The following TMEM163 variants were observed in gnomAD, a reference collection of about 807,000 sequenced individuals.
TMEM163 encodes the protein transmembrane protein 163.
A neutral mutation model predicts 29.3 loss-of-function variants in TMEM163; 17 were observed. The ratio of observed to expected loss-of-function variants is 0.58; its 90% CI spans 0.40 to 0.87. The LOEUF (loss-of-function observed/expected upper bound fraction) is 0.87. Among genes scored for constraint, TMEM163 ranks in the 40% least tolerant of loss-of-function variants. TMEM163 has a pLI of 0.00. For missense variants in TMEM163, 303 were observed against 381.5 expected (o/e 0.79, Z 1.71); for synonymous variants, 157 against 160.6 (o/e 0.98, Z 0.17).
chr2:134,535,964 C>T (rs976123933), intron 4 of TMEM163, among the ~76,000 whole-genome samples: 1 of 152,186 alleles, frequency 6.6e-6, no homozygotes, highest in Non-Finnish European at 1.5e-5. Context: ...CTCCAGTGAT[C>T]TGCCCGCCTC....
chr2:134,650,605 T>A, intron 2 of TMEM163, among the ~76,000 whole-genome samples: 1 of 144,384 alleles, frequency 6.9e-6, no homozygotes, highest in East Asian at 2.0e-4. Flanking sequence ...TAGTTACATA[T>A]GTATGTATAC....
At chr2:134,469,715 C>G (rs934216297) in intron 5 of TMEM163, 3 of 152,374 alleles carry the variant, frequency 2.0e-5, no homozygotes, top group Non-Finnish European at 2.9e-5. Context: ...GCTGCATCTC[C>G]CCGCTCCAGC....
chr2:134,500,539 T>A (rs561365784), intron 5 of TMEM163, among the ~76,000 whole-genome samples: 2 of 152,162 alleles, frequency 1.3e-5, no homozygotes, highest in East Asian at 1.9e-4. Context: ...AGAGTTCTGA[T>A]GAGATGACCA....
chr2:134,550,694 C>T (rs927837069), intron 3 of TMEM163, 33 bp from the exon 4 acceptor site: 5 of 1,593,200 alleles, frequency 3.1e-6, no homozygotes, highest in Non-Finnish European at 4.3e-6. Flanking sequence ...TAGAGGCTTT[C>T]CACAGTTAAT....
chr2:134,456,494 A>G lies in TMEM163; in HGVS notation c.*222T>C. On this transcript the variant is annotated 3_prime_UTR_variant, in exon 8 of 8. Coordinates refer to ENST00000281924, the MANE Select transcript of TMEM163 (RefSeq NM_030923.5). ...ACGCCAGTCCCAGCTGGAGACGGGG[A>G]AGGAGGTCCATTCCTATGGGCATTG... 1.7e-6 allele frequency: 1 copy of G among 573,532 alleles called. No homozygotes were observed. The highest frequency in any genetic ancestry group is 2.1e-5 in the South Asian group (1 of 47,160). The allele number at this position is 573,532 out of a possible 1,614,324, so 35.5% of individuals were successfully genotyped here. A position where few individuals can be genotyped will look rare whatever the true frequency, so the allele number is the denominator to read the frequency against.
intron 2 of TMEM163, among the ~76,000 whole-genome samples, chr2:134,591,446 G>A (rs1330705621): frequency 1.3e-5 from 2 of 152,176 alleles, no homozygotes; most frequent in Non-Finnish European, 2.9e-5. Context: ...TTAATAGCCA[G>A]GTCTTTATGA....
chr2:134,576,468 G>A (rs1681557931), intron 2 of TMEM163, among the ~76,000 whole-genome samples: 1 of 152,142 alleles, frequency 6.6e-6, no homozygotes, highest in South Asian at 2.1e-4. Context: ...TAACATAAAA[G>A]GGCCACCCAT....
chr2:134,529,009 A>T (rs1337353603), intron 4 of TMEM163, among the ~76,000 whole-genome samples: 1 of 152,172 alleles, frequency 6.6e-6, no homozygotes, highest in Non-Finnish European at 1.5e-5. Context: ...ACAACAGAAC[A>T]CGTACCATTA....
rs561020758 is a variant in TMEM163 at position 134,710,996 on chromosome 2, T to C, written c.322+2204A>G. Among the ~76,000 whole-genome samples the C allele has an allele frequency of 3.3e-4, 51 of 152,352 alleles. 2 individuals are homozygous for C. In the South Asian group the frequency reaches 9.7e-3, roughly 29 times the overall value. On this transcript the variant is annotated intron_variant, in intron 2 of 7. Coordinates refer to ENST00000281924, the MANE Select transcript of TMEM163 (RefSeq NM_030923.5). ...TTTCATCCATCTGTTAACTACCTCC[T>C]TCCTTGAAGAGTAGGACTGGGAGTT... is the stretch of plus-strand genomic sequence containing the variant.
At chr2:134,574,208 C>T (rs992921693) in intron 2 of TMEM163, among the ~76,000 whole-genome samples, 3 of 152,180 alleles carry the variant, frequency 2.0e-5, no homozygotes, top group African/African-American at 7.2e-5. Flanking sequence ...GCAAATTGTG[C>T]TTATAGAAGA....
intron 2 of TMEM163, among the ~76,000 whole-genome samples, chr2:134,693,378 G>C (rs540040219): frequency 6.6e-6 from 1 of 152,212 alleles, no homozygotes; most frequent in South Asian, 2.1e-4. Context: ...AGGCCAAGGC[G>C]GGTGGATCAC....
intron 5 of TMEM163, among the ~76,000 whole-genome samples, chr2:134,496,168 TCTC>T (rs1201664707): frequency 6.6e-6 from 1 of 151,844 alleles, no homozygotes; most frequent in East Asian, 1.9e-4. Flanking sequence ...TTCAACCAAT[TCTC>T]CTGCCTCAGC....
intron 2 of TMEM163, among the ~76,000 whole-genome samples, chr2:134,609,252 G>T (rs13412522): frequency 1.4e-4 from 3 of 20,970 alleles, no homozygotes; most frequent in African/African-American, 6.6e-4. Context: ...GTGAAAAGGA[G>T]GACAGACCCC....
At chr2:134,603,247 T>C (rs1682275092) in intron 2 of TMEM163, among the ~76,000 whole-genome samples, 1 of 152,214 alleles carries the variant, frequency 6.6e-6, no homozygotes, top group Non-Finnish European at 1.5e-5. Flanking sequence ...GCTTTTTCCC[T>C]TTATTACCAG....
intron 4 of TMEM163, among the ~76,000 whole-genome samples, chr2:134,538,168 C>A (rs1405936445): frequency 6.6e-6 from 1 of 152,152 alleles, no homozygotes; most frequent in Non-Finnish European, 1.5e-5. Flanking sequence ...GGAGCTGGGA[C>A]CTTTGGGAGG....
intron 2 of TMEM163, among the ~76,000 whole-genome samples, chr2:134,708,262 G>A (rs1573554012): frequency 6.6e-6 from 1 of 152,170 alleles, no homozygotes; most frequent in South Asian, 2.1e-4. Context: ...AGAGTCTTAT[G>A]TCTTTTCTGT....
intron 2 of TMEM163, among the ~76,000 whole-genome samples, chr2:134,586,853 A>G (rs1430856677): frequency 6.6e-6 from 1 of 152,230 alleles, no homozygotes; most frequent in Non-Finnish European, 1.5e-5. Context: ...AGCCATCTTA[A>G]GTCAAGCATC....
intron 2 of TMEM163, among the ~76,000 whole-genome samples, chr2:134,664,450 C>G (rs1300401872): frequency 1.3e-5 from 2 of 152,124 alleles, no homozygotes; most frequent in Non-Finnish European, 2.9e-5. Context: ...TGAATAATGG[C>G]CCCCAAAGAT....
At chr2:134,568,457 G>A (rs987136159) in intron 2 of TMEM163, among the ~76,000 whole-genome samples, 2 of 151,912 alleles carry the variant, frequency 1.3e-5, no homozygotes, top group Non-Finnish European at 2.9e-5. Flanking sequence ...AACCCGGGAG[G>A]TGGAGGTTGC....
Sources: allele counts gnomAD v4.1 joint callset (sites outside exome capture counted in the v4.1 genomes callset), GRCh38; gene constraint gnomAD v4.1.1; transcripts MANE v1.5; gene names NCBI Gene and HGNC (gene_info 2026-07-23, HGNC 2026-07-21).